Variants in SLC25A12 observed in about 807,000 individuals in gnomAD.
SLC25A12 encodes electrogenic aspartate/glutamate antiporter SLC25A12, mitochondrial.
A neutral mutation model predicts 83.3 loss-of-function variants in SLC25A12; 32 were observed. The observed-to-expected ratio is 0.38, with a 90% CI of 0.29 to 0.52. SLC25A12 has a LOEUF of 0.52. SLC25A12 is among the 20% of genes least tolerant of loss of function. SLC25A12 has a pLI of 0.84. For missense variants in SLC25A12, 611 were observed against 835.6 expected, an observed-to-expected ratio of 0.73 and a Z score of 3.31; for synonymous variants, 267 against 291.1, an observed-to-expected ratio of 0.92 and a Z score of 0.84.
At chr2:171,831,148 T>C (rs1347856979) in intron 8 of SLC25A12, among the ~76,000 whole-genome samples, 1 of 152,234 alleles carries the variant, frequency 6.6e-6, no homozygotes, top group Admixed American at 6.5e-5. Flanking sequence ...CTCAGTTGAC[T>C]GGACTATTTC....
At chr2:171,822,794 A>C (rs1421869785) in intron 9 of SLC25A12, among the ~76,000 whole-genome samples, 2 of 152,226 alleles carry the variant, frequency 1.3e-5, no homozygotes, top group African/African-American at 4.8e-5. Flanking sequence ...CTGGACTCAC[A>C]GATTCTCCAT....
intron 9 of SLC25A12, among the ~76,000 whole-genome samples, chr2:171,819,673 A>G (rs1243104204): frequency 6.6e-6 from 1 of 151,764 alleles, no homozygotes; most frequent in Middle Eastern, 3.4e-3. Flanking sequence ...TTTTGAGAAC[A>G]GACTTCCATT....
At chr2:171,796,708 G>A (rs1170682947) in intron 13 of SLC25A12, among the ~76,000 whole-genome samples, 2 of 151,874 alleles carry the variant, frequency 1.3e-5, no homozygotes, top group African/African-American at 4.8e-5. Context: ...GGAACATAAG[G>A]CAAATACTTT....
At chr2:171,804,012 T>C (rs1265940307) in intron 13 of SLC25A12, among the ~76,000 whole-genome samples, 1 of 151,970 alleles carries the variant, frequency 6.6e-6, no homozygotes, top group Admixed American at 6.6e-5. Context: ...AATGAAAACA[T>C]GTCCATGCAA....
At chr2:171,845,787 G>C (rs1384523906) in intron 4 of SLC25A12, 1 of 454,958 alleles carries the variant, frequency 2.2e-6, no homozygotes, top group Non-Finnish European at 4.4e-6. Flanking sequence ...GTTGGAAGAA[G>C]GCATTGGATG....
intron 5 of SLC25A12, among the ~76,000 whole-genome samples, chr2:171,841,750 A>G (rs1054409246): frequency 1.3e-5 from 2 of 152,358 alleles, no homozygotes; most frequent in East Asian, 3.9e-4. Context: ...TGCAGGAAGT[A>G]TTCTACCAAA....
chr2:171,867,092 G>A (rs1432440625), intron 3 of SLC25A12, among the ~76,000 whole-genome samples: 64 of 148,536 alleles, frequency 4.3e-4, no homozygotes, highest in Non-Finnish European at 7.7e-4. Flanking sequence ...GGGCAGAGAC[G>A]CTCCTCACTT....
rs180781734 is a variant in SLC25A12, at chr2:171,831,702, T to C, written c.845+2261A>G. On this transcript the variant is annotated intron_variant, in intron 8 of 17. Transcript: ENST00000422440. ...GGGTAGATCATCTGAGGTCAAAAGT[T>C]TGAGACCAGCCTGGCCAACATGGCT... is the stretch of plus-strand genomic sequence containing the variant. Among the ~76,000 whole-genome samples, 75 of 152,110 alleles carry C rather than the reference T, an allele frequency of 4.9e-4. No homozygotes were observed. The South Asian group carries it at 6.5e-3, about 13-fold the overall frequency.
At chr2:171,866,181 T>G (rs1175022475) in intron 3 of SLC25A12, among the ~76,000 whole-genome samples, 1 of 139,930 alleles carries the variant, frequency 7.1e-6, no homozygotes, top group African/African-American at 2.7e-5. Context: ...ATCAACAGGA[T>G]AAGAATTTTT....
rs1385069981 is a variant in SLC25A12 at position 171,784,372 on chromosome 2, C to T, written c.*902G>A. On this transcript the variant is annotated 3_prime_UTR_variant, in exon 18 of 18. Coordinates refer to ENST00000422440, the MANE Select transcript of SLC25A12 (RefSeq NM_003705.5). Reference sequence around the variant, plus strand: ...AAAGAAAAATCCAACTACATGTATACATTTTGGTGTGCATTTTATTTTTGA... The same window carrying T: ...AAAGAAAAATCCAACTACATGTATATATTTTGGTGTGCATTTTATTTTTGA... The T allele has an allele frequency of 6.6e-6, 1 of 152,212 alleles. No homozygotes were observed. The highest frequency in any genetic ancestry group is 2.4e-5 in the African/African-American group (1 of 41,446). The allele number at this position is 152,212 out of a possible 1,614,324, so 9.4% of individuals were successfully genotyped here.
chr2:171,847,192 T>C (rs1684816154), intron 4 of SLC25A12, among the ~76,000 whole-genome samples: 1 of 152,218 alleles, frequency 6.6e-6, no homozygotes, highest in Non-Finnish European at 1.5e-5. Flanking sequence ...CTAATAAGAT[T>C]ACAAACCTAC....
At chr2:171,804,967 G>A (rs1331242187) in intron 13 of SLC25A12, among the ~76,000 whole-genome samples, 1 of 152,200 alleles carries the variant, frequency 6.6e-6, no homozygotes, top group African/African-American at 2.4e-5. Flanking sequence ...TTTCTGTGTT[G>A]ATAAAAATGT....
rs113771002 is a variant in SLC25A12, at chr2:171,856,345, C to G, written c.210-396G>C. Among the ~76,000 whole-genome samples the G allele has an allele frequency of 2.8e-3, 425 of 152,260 alleles. 2 individuals carry two copies. Among genetic ancestry groups the G allele is most frequent in the African/African-American group, 9.8e-3 (406 of 41,526 alleles). ...GTTTAGCAGCATCCCTGGCCTCTAC[C>G]CACTAGATGCCAATAGCATCCCCAA... On this transcript the variant is annotated intron_variant, in intron 3 of 17. Coordinates refer to ENST00000422440, the MANE Select transcript of SLC25A12 (RefSeq NM_003705.5).
chr2:171,856,184 G>T (rs1039609637), intron 3 of SLC25A12, among the ~76,000 whole-genome samples: 1 of 152,196 alleles, frequency 6.6e-6, no homozygotes, highest in African/African-American at 2.4e-5. Flanking sequence ...CTAACATCAT[G>T]AAGAGAGAGA....
intron 14 of SLC25A12, among the ~76,000 whole-genome samples, chr2:171,792,148 A>G (rs1351666638): frequency 6.6e-6 from 1 of 150,760 alleles, no homozygotes; most frequent in Non-Finnish European, 1.5e-5. Flanking sequence ...ATCATTACCC[A>G]GGGGCAGCTT....
At chr2:171,840,422 C>A (rs1391677766) in intron 5 of SLC25A12, among the ~76,000 whole-genome samples, 2 of 150,542 alleles carry the variant, frequency 1.3e-5, no homozygotes, top group African/African-American at 4.9e-5. Context: ...GAGACCCAAA[C>A]AAAGAGTAAA....
intron 2 of SLC25A12, among the ~76,000 whole-genome samples, chr2:171,872,252 T>C (rs1048476081): frequency 7.2e-5 from 11 of 151,808 alleles, no homozygotes; most frequent in African/African-American, 2.7e-4. Flanking sequence ...AATAAATATA[T>C]AAACACAGGA....
chr2:171,819,431 AATAATAT>A (rs1156889383), intron 9 of SLC25A12, among the ~76,000 whole-genome samples: 50 of 99,072 alleles, frequency 5.0e-4, no homozygotes, highest in Non-Finnish European at 7.9e-4. Flanking sequence ...TTATATACAT[AATAATAT>A]ATAATATATA....
intron 13 of SLC25A12, among the ~76,000 whole-genome samples, chr2:171,798,348 C>A (rs895840605): frequency 5.9e-5 from 9 of 152,174 alleles, no homozygotes; most frequent in Admixed American, 4.6e-4. Flanking sequence ...ACCCCTGGGG[C>A]AAGGTTCACA....
Sources: gnomAD v4.1 joint callset for allele counts (sites outside exome capture counted in the v4.1 genomes callset) on GRCh38, gnomAD v4.1.1 for gene constraint, MANE v1.5 for transcripts, NCBI Gene and HGNC (gene_info 2026-07-23, HGNC 2026-07-21) for gene names.